The following CDKN2B-AS1 variants were observed in gnomAD, a reference collection of about 807,000 sequenced individuals.
CDKN2B-AS1 encodes CDKN2B and CDKN2A antisense cis and trans regulatory RNA 1.
Position 22,066,581 on chromosome 9 carries a change from A to G in CDKN2B-AS1, n.438+10194A>G, listed in dbSNP as rs556507133. On this transcript the variant is annotated intron_variant and non_coding_transcript_variant, in intron 4 of 4. Transcript: ENST00000650946. ...ATTTCTAAGACCCAATGGTAACTCT[A>G]TGCTAAAATTAAAATACGAATGTCC... Among the ~76,000 whole-genome samples the G allele has an allele frequency of 2.6e-5, 4 of 152,140 alleles. No individual in the cohort carries two copies. The East Asian group carries it at 5.9e-4, about 22-fold the overall frequency.
chr9:22,033,651 C>T (rs1244697634), intron 1 of CDKN2B-AS1, among the ~76,000 whole-genome samples: 1 of 152,120 alleles, frequency 6.6e-6, no homozygotes, highest in Non-Finnish European at 1.5e-5. Flanking sequence ...AATGCTTTTC[C>T]TATACAGTAT....
chr9:22,016,191 A>G (rs934241061), intron 1 of CDKN2B-AS1, among the ~76,000 whole-genome samples: 1 of 152,160 alleles, frequency 6.6e-6, no homozygotes, highest in African/African-American at 2.4e-5. Flanking sequence ...CCTGAATGGT[A>G]ATGCCTAGGT....
rs1433342144 is a variant in CDKN2B-AS1, at chr9:21,995,449, T to A, written n.29+288T>A. 1 of 152,528 alleles carries A rather than the reference T, an allele frequency of 6.6e-6. No homozygotes were observed. Among genetic ancestry groups the A allele is most frequent in the East Asian group, 1.9e-4 (1 of 5,186 alleles). 9.4% of individuals were successfully genotyped at this position (152,528 alleles called of 1,614,324 possible). A position where few individuals can be genotyped will look rare whatever the true frequency, so the allele number is the denominator to read the frequency against. ...CCGTTGGCCGCTGCCGCCTCCACGC[T>A]CTGCCCCGCGCCCAGACACCCCGAC... On this transcript the variant is annotated intron_variant and non_coding_transcript_variant, in intron 1 of 4. Transcript: ENST00000650946. This position sits in a 1 kb window ranked among gnomAD's most constrained non-coding sequence, Gnocchi z 5.7.
chr9:22,056,566 C>G (rs916092888), intron 4 of CDKN2B-AS1, among the ~76,000 whole-genome samples: 1 of 152,022 alleles, frequency 6.6e-6, no homozygotes, highest in Non-Finnish European at 1.5e-5. Context: ...TTTTTGAACC[C>G]CTGCTTACTC....
At chr9:22,035,479 T>C (rs1822651075) in intron 1 of CDKN2B-AS1, among the ~76,000 whole-genome samples, 1 of 152,184 alleles carries the variant, frequency 6.6e-6, no homozygotes, top group Admixed American at 6.5e-5. Flanking sequence ...GTCTCACCTA[T>C]ACCCATGGCA....
intron 4 of CDKN2B-AS1, among the ~76,000 whole-genome samples, chr9:22,087,399 A>G (rs546063976): frequency 3.9e-4 from 59 of 152,274 alleles, no homozygotes; most frequent in Admixed American, 6.5e-4. Context: ...ATGACATTGA[A>G]CCATTGACTG....
chr9:22,096,892 G>A (rs144576820), intron 4 of CDKN2B-AS1, among the ~76,000 whole-genome samples: 1 of 152,070 alleles, frequency 6.6e-6, no homozygotes, highest in Non-Finnish European at 1.5e-5. Flanking sequence ...TCCCCACCCC[G>A]CTCACCTTGC....
At chr9:22,060,494 A>G (rs953697070) in intron 4 of CDKN2B-AS1, among the ~76,000 whole-genome samples, 1 of 152,220 alleles carries the variant, frequency 6.6e-6, no homozygotes, top group African/African-American at 2.4e-5. Context: ...GGACAAAGCC[A>G]TTAAACAAAT....
At chr9:22,034,149 GTTC>G (rs777780472) in intron 1 of CDKN2B-AS1, among the ~76,000 whole-genome samples, 1 of 152,118 alleles carries the variant, frequency 6.6e-6, no homozygotes, top group Non-Finnish European at 1.5e-5. Context: ...ATAAGAGAAG[GTTC>G]TTCTTTGTTG....
intron 4 of CDKN2B-AS1, among the ~76,000 whole-genome samples, chr9:22,123,665 T>A (rs1197444249): frequency 6.6e-6 from 1 of 151,448 alleles, no homozygotes; most frequent in Non-Finnish European, 1.5e-5. Context: ...ATTGTTTAAC[T>A]AGAAGAAGAA....
intron 4 of CDKN2B-AS1, chr9:22,118,999 A>T (rs1290240823): frequency 6.6e-6 from 1 of 152,222 alleles, no homozygotes; most frequent in Non-Finnish European, 1.5e-5. Context: ...TGCTTTAAGA[A>T]AAGGTAGGCA....
intron 4 of CDKN2B-AS1, among the ~76,000 whole-genome samples, chr9:22,101,900 G>A (rs1825497424): frequency 6.6e-6 from 1 of 152,118 alleles, no homozygotes; most frequent in Non-Finnish European, 1.5e-5. Context: ...AGGACAACAT[G>A]GCCATGTTCT....
chr9:22,064,879 C>T (rs527312550), intron 4 of CDKN2B-AS1, among the ~76,000 whole-genome samples: 4 of 152,304 alleles, frequency 2.6e-5, no homozygotes, highest in Non-Finnish European at 4.4e-5. Flanking sequence ...AAAACATCTG[C>T]ATTTCTCCCA....
intron 4 of CDKN2B-AS1, among the ~76,000 whole-genome samples, chr9:22,093,773 A>G (rs1272379894): frequency 1.4e-5 from 2 of 144,012 alleles, no homozygotes; most frequent in Non-Finnish European, 2.9e-5. Context: ...TCTTTATCCA[A>G]TTTGCCAGTC....
chr9:22,071,446 C>G (rs914444247), intron 4 of CDKN2B-AS1, among the ~76,000 whole-genome samples: 1 of 151,472 alleles, frequency 6.6e-6, no homozygotes, highest in African/African-American at 2.4e-5. Flanking sequence ...TTTGCAGCAA[C>G]TATATATTTG....
rs1587379418 is a variant in CDKN2B-AS1 at position 22,005,396 on chromosome 9, C to T, written n.29+10235C>T. On this transcript the variant is annotated intron_variant and non_coding_transcript_variant, in intron 1 of 4. Coordinates refer to ENST00000650946, the Ensembl canonical transcript of CDKN2B-AS1. This position sits in a 1 kb window ranked among gnomAD's most constrained non-coding sequence, Gnocchi z 4.9. The stretch of plus-strand genomic sequence containing the variant: ...GGTCTCCAGGGCTTCCAGAGAGTGT[C>T]GTTTACGCATGTGACTTGCCATGCG... 4.1e-6 allele frequency: 1 copy of T among 245,480 alleles called. No individual in the cohort carries two copies. Among genetic ancestry groups the T allele is most frequent in the Admixed American group, 5.0e-5 (1 of 20,060 alleles). The allele number at this position is 245,480 out of a possible 1,614,324, so 15.2% of individuals were successfully genotyped here. A position where few individuals can be genotyped will look rare whatever the true frequency, so the allele number is the denominator to read the frequency against.
intron 4 of CDKN2B-AS1, among the ~76,000 whole-genome samples, chr9:22,095,039 C>T (rs1372795137): frequency 6.9e-6 from 1 of 144,922 alleles, no homozygotes; most frequent in East Asian, 2.0e-4. Context: ...CAGTCAGGAC[C>T]CTCAGCTGCA....
intron 4 of CDKN2B-AS1, among the ~76,000 whole-genome samples, chr9:22,109,813 T>C (rs1228202937): frequency 6.6e-6 from 1 of 152,188 alleles, no homozygotes; most frequent in African/African-American, 2.4e-5. Context: ...TTGCAACTGC[T>C]ATGGTCCCTT....
At chr9:22,011,869 A>C (rs1356422653) in intron 1 of CDKN2B-AS1, among the ~76,000 whole-genome samples, 1 of 152,230 alleles carries the variant, frequency 6.6e-6, no homozygotes, top group Non-Finnish European at 1.5e-5. Flanking sequence ...CATAGTGGGC[A>C]GCTGAAACTT....
Sources: gnomAD v4.1 joint callset for allele counts (sites outside exome capture counted in the v4.1 genomes callset) on GRCh38, gnomAD v4.1.1 for gene constraint, Gnocchi (gnomAD v3.1) non-coding constraint, MANE v1.5 for transcripts, NCBI Gene and HGNC (gene_info 2026-07-23, HGNC 2026-07-21) for gene names.